HECW1: variants seen among roughly 807,000 people sequenced by gnomAD.
HECW1 encodes the protein HECT, C2 and WW domain containing E3 ubiquitin protein ligase 1.
A neutral mutation model predicts 182.3 loss-of-function variants in HECW1; 61 were observed. The observed-to-expected ratio is 0.33, with a 90% confidence interval of 0.27 to 0.41. The LOEUF (loss-of-function observed/expected upper bound fraction) is 0.41. Ranked by LOEUF, HECW1 falls within the 10% of genes least tolerant of loss-of-function variation. The pLI is 1.00. For synonymous variants in HECW1, 859 were observed against 832.6 expected (o/e 1.03, Z -0.55); for missense variants, 1,739 against 2,108.9 (o/e 0.82, Z 3.44).
At chr7:43,280,066 G>A (rs996884972) in intron 3 of HECW1, among the ~76,000 whole-genome samples, 1 of 152,180 alleles carries the variant, frequency 6.6e-6, no homozygotes, top group Non-Finnish European at 1.5e-5. Context: ...GCATGGAAAG[G>A]GAGTGGTGAG....
chr7:43,508,862 T>C lies in HECW1; in HGVS notation c.3867-107T>C. 3.4e-6 allele frequency: 4 copies of C among 1,191,508 alleles called. No individual in the cohort carries two copies. In the South Asian group the frequency reaches 5.9e-5, roughly 17 times the overall value. The allele number at this position is 1,191,508 out of a possible 1,614,324, so 73.8% of individuals were successfully genotyped here. On this transcript the variant is annotated intron_variant, in intron 23 of 29. Transcript: ENST00000395891. ...CCAAAGAGCAGAGGCTGCTCTCTGC[T>C]TTCCCCAGCACCCAACTCTGAAAGG...
At chr7:43,150,657 G>C (rs1448242751) in intron 2 of HECW1, among the ~76,000 whole-genome samples, 2 of 152,232 alleles carry the variant, frequency 1.3e-5, no homozygotes, top group African/African-American at 4.8e-5. Context: ...GGGATTACAG[G>C]CATGAGCCAC....
At chr7:43,382,425 T>C (rs34709911) in intron 6 of HECW1, among the ~76,000 whole-genome samples, 24,927 of 152,314 alleles carry the variant, frequency 0.16, 2,732 homozygotes, top group Non-Finnish European at 0.24. Context: ...TAATTAGTAC[T>C]GTTTTGTGAG....
intron 10 of HECW1, among the ~76,000 whole-genome samples, chr7:43,443,603 T>A (rs1169507406): frequency 6.6e-6 from 1 of 152,222 alleles, no homozygotes; most frequent in African/African-American, 2.4e-5. Flanking sequence ...AAACACTGGC[T>A]GGATGCTACC....
At chr7:43,397,011 A>C (rs1562930955) in intron 7 of HECW1, 122 bp downstream of exon 7, 2 of 740,852 alleles carry the variant, frequency 2.7e-6, no homozygotes, top group East Asian at 5.0e-5. Context: ...TCAATTTCTC[A>C]ATCTGTAAAG....
At chr7:43,499,475 AAAAGAAAG>A (rs766128552) in intron 19 of HECW1, among the ~76,000 whole-genome samples, 1 of 150,792 alleles carries the variant, frequency 6.6e-6, no homozygotes, top group African/African-American at 2.4e-5. Context: ...TCTCAAAAAA[AAAAGAAAG>A]AAAGAAAGAA....
At chr7:43,213,334 T>G (rs1796158772) in intron 2 of HECW1, among the ~76,000 whole-genome samples, 1 of 152,202 alleles carries the variant, frequency 6.6e-6, no homozygotes. Context: ...CATGTGCTTA[T>G]TTTGTTTGGA....
intron 2 of HECW1, among the ~76,000 whole-genome samples, chr7:43,181,830 C>G (rs962787199): frequency 4.0e-5 from 6 of 150,646 alleles, no homozygotes; most frequent in Non-Finnish European, 7.4e-5. Context: ...CTCTGTCGCC[C>G]AGGCTGGAGT....
chr7:43,229,245 A>T (rs1453372114), intron 2 of HECW1, among the ~76,000 whole-genome samples: 2 of 152,224 alleles, frequency 1.3e-5, no homozygotes, highest in African/African-American at 4.8e-5. Flanking sequence ...GGGATGCTTT[A>T]CACCATAATG....
chr7:43,481,042 T>C (rs1052870141), intron 17 of HECW1, among the ~76,000 whole-genome samples: 2 of 152,216 alleles, frequency 1.3e-5, no homozygotes, highest in African/African-American at 4.8e-5. Context: ...TTCAGGAGAC[T>C]GCTGAAAGCA....
intron 8 of HECW1, among the ~76,000 whole-genome samples, chr7:43,434,043 A>T (rs879700795): frequency 2.9e-4 from 39 of 135,112 alleles, no homozygotes; most frequent in African/African-American, 8.3e-4. Flanking sequence ...CCTTTTTTTT[A>T]AAAAAAAACA....
chr7:43,519,455 AG>A (rs1448652466), intron 24 of HECW1, among the ~76,000 whole-genome samples: 1 of 152,168 alleles, frequency 6.6e-6, no homozygotes, highest in Non-Finnish European at 1.5e-5. Context: ...TATTTTGGCC[AG>A]GCTGGTCTCA....
chr7:43,382,806 C>G (rs2074610459), intron 6 of HECW1, among the ~76,000 whole-genome samples: 1 of 152,156 alleles, frequency 6.6e-6, no homozygotes, highest in Non-Finnish European at 1.5e-5. Flanking sequence ...GATACATGTG[C>G]TAAACATGCA....
intron 3 of HECW1, among the ~76,000 whole-genome samples, chr7:43,269,100 T>C (rs1802103055): frequency 2.6e-5 from 4 of 152,186 alleles, no homozygotes; most frequent in Admixed American, 2.6e-4. Context: ...ACTGAAATAT[T>C]TAATAAAGTT....
intron 24 of HECW1, among the ~76,000 whole-genome samples, chr7:43,526,217 C>CA (rs1362004035): frequency 6.6e-6 from 1 of 152,170 alleles, no homozygotes; most frequent in Non-Finnish European, 1.5e-5. Flanking sequence ...TTGATGTTGT[C>CA]AGAGCCATTA....
Position 43,442,651 on chromosome 7 carries a change from T to C in HECW1, c.1045+22T>C, listed in dbSNP as rs377161341. 8.7e-6 allele frequency: 13 copies of C among 1,499,560 alleles called. No homozygotes were observed. In the African/African-American group the frequency reaches 1.4e-4, roughly 16 times the overall value. 92.9% of individuals were successfully genotyped at this position (1,499,560 alleles called of 1,614,324 possible). A position where few individuals can be genotyped will look rare whatever the true frequency, so the allele number is the denominator to read the frequency against. On this transcript the variant is annotated intron_variant, in intron 10 of 29. Coordinates refer to ENST00000395891, the MANE Select transcript of HECW1 (RefSeq NM_015052.5). Reference sequence around the variant, plus strand: ...CCAGGTATTTTCAGCATGAACTTCATGTCTTGTCCTAGGCTAGTGTCATAA... The same window carrying C: ...CCAGGTATTTTCAGCATGAACTTCACGTCTTGTCCTAGGCTAGTGTCATAA...
intron 2 of HECW1, among the ~76,000 whole-genome samples, chr7:43,201,600 A>G (rs183905013): frequency 2.3e-3 from 353 of 152,346 alleles, no homozygotes; most frequent in African/African-American, 8.1e-3. Flanking sequence ...AAGGTACCCA[A>G]GTGGTAAAGC....
chr7:43,202,608 G>A (rs2152690387), intron 2 of HECW1, among the ~76,000 whole-genome samples: 1 of 151,840 alleles, frequency 6.6e-6, no homozygotes, highest in Non-Finnish European at 1.5e-5. Context: ...TGAGGAGCTG[G>A]GGTTACAGGC....
chr7:43,197,991 C>G lies in HECW1; in HGVS notation c.-31-45884C>G, dbSNP rs563115217. Among the ~76,000 whole-genome samples, 16 of 151,942 alleles carry G rather than the reference C, an allele frequency of 1.1e-4. No individual in the cohort carries two copies. The South Asian group carries it at 3.1e-3, about 30-fold the overall frequency. On this transcript the variant is annotated intron_variant, in intron 2 of 29. Coordinates refer to ENST00000395891, the MANE Select transcript of HECW1 (RefSeq NM_015052.5). The stretch of plus-strand genomic sequence containing the variant: ...ACCCACATCTTTCCTGCCATTGCCC[C>G]TAGGTCATCTCGACCCTCAACGCAC...
Sources: allele counts gnomAD v4.1 joint callset (sites outside exome capture counted in the v4.1 genomes callset), GRCh38; gene constraint gnomAD v4.1.1; transcripts MANE v1.5; gene names NCBI Gene and HGNC (gene_info 2026-07-23, HGNC 2026-07-21).